OGG1: variants seen among roughly 807,000 people sequenced by gnomAD.
OGG1 encodes the protein N-glycosylase/DNA lyase.
A neutral mutation model predicts 42.3 loss-of-function variants in OGG1; 35 were observed. The ratio of observed to expected loss-of-function variants is 0.83; its 90% CI spans 0.63 to 1.10. The LOEUF (loss-of-function observed/expected upper bound fraction) is 1.10. Ranked by LOEUF, OGG1 falls within the 50% of genes least tolerant of loss-of-function variation. The pLI is 0.00. For missense variants in OGG1, 484 were observed against 446.7 expected (o/e 1.08, Z -0.75); for synonymous variants, 189 against 179.0 (o/e 1.06, Z -0.44).
At chr3:9,777,598 A>G (rs915297961) in intron 2 of OGG1, among the ~76,000 whole-genome samples, 1 of 152,160 alleles carries the variant, frequency 6.6e-6, no homozygotes, top group African/African-American at 2.4e-5. Context: ...GATAGTAGGT[A>G]TGCAACAGAG....
At chr3:9,750,550 A>G (rs2077252587) in intron 1 of OGG1, 127 bp downstream of exon 1, 6 of 1,309,120 alleles carry the variant, frequency 4.6e-6, no homozygotes, top group Non-Finnish European at 6.4e-6. Flanking sequence ...AGAGGAAACA[A>G]GCACGGGTAG....
At chr3:9,788,026 G>T in exon 4 of OGG1, 1 of 293,510 alleles carries the variant, frequency 3.4e-6, no homozygotes, top group Non-Finnish European at 6.7e-6. Context: ...GAGGAAAATG[G>T]AGAGGGGCAC....
chr3:9,787,909 AG>A (rs2125624776), exon 4 of OGG1: 1 of 370,414 alleles, frequency 2.7e-6, no homozygotes, highest in South Asian at 2.1e-5. Context: ...GAGGGAGAGA[AG>A]AGCTTGCCAG....
chr3:9,788,598 G>A (rs1308407144), downstream of OGG1, among the ~76,000 whole-genome samples: 1 of 151,574 alleles, frequency 6.6e-6, no homozygotes, highest in South Asian at 2.1e-4. Context: ...GGAATACAGT[G>A]GCACGATCTT....
In OGG1 at chr3:9,757,307, A is replaced by G. The variant is rs1329724874; in HGVS notation, c.*157A>G. The stretch of plus-strand genomic sequence containing the variant: ...AAATCAAGCAGTCAGTTTGCACAAC[A>G]AGATGGGGTGGGGGATATTGAGGGA... On this transcript the variant is annotated 3_prime_UTR_variant, in exon 7 of 7. Transcript: ENST00000344629. The surrounding 1 kb of genome is among the most constrained non-coding windows in gnomAD (Gnocchi z 4.5). The G allele has an allele frequency of 6.2e-7, 1 of 1,614,182 alleles. No individual in the cohort carries two copies. The highest frequency in any genetic ancestry group is 2.2e-5 in the East Asian group (1 of 44,886).
chr3:9,755,758 C>G (rs2077518821), intron 4 of OGG1, among the ~76,000 whole-genome samples: 2 of 152,082 alleles, frequency 1.3e-5, no homozygotes, highest in Admixed American at 1.3e-4. Context: ...CTGCACCCAG[C>G]CTTTTTTTTT....
At chr3:9,765,769 C>G (rs750387531) in intron 7 of OGG1, 19 of 1,613,904 alleles carry the variant, frequency 1.2e-5, no homozygotes, top group Non-Finnish European at 1.6e-5. Flanking sequence ...TTGTGCAGGA[C>G]AGCAATCTCA....
rs531312952 is a variant in OGG1, at chr3:9,774,420, A to G, written c.295-7093A>G. Among the ~76,000 whole-genome samples the G allele has an allele frequency of 4.0e-5, 6 of 150,916 alleles. No homozygotes were observed. The East Asian group carries it at 1.2e-3, about 29-fold the overall frequency. On this transcript the variant is annotated intron_variant, in intron 2 of 3. Transcript: ENST00000426518. ...CCAGACTCTGTCTCAAAAAAAAAAA[A>G]AAAAAAAACAAAACTTTAACTTTTG...
intron 7 of OGG1, chr3:9,762,820 G>A: frequency 8.1e-7 from 1 of 1,234,672 alleles, no homozygotes; most frequent in Non-Finnish European, 1.2e-6. Flanking sequence ...AAGGCTCAGT[G>A]AGGGGGTGAA....
In OGG1 at chr3:9,750,238, C is replaced by G. The variant is rs756713013; in HGVS notation, c.-49C>G. The G allele has an allele frequency of 6.3e-7, 1 of 1,581,098 alleles. No homozygotes were observed. Among genetic ancestry groups the G allele is most frequent in the South Asian group, 1.1e-5 (1 of 87,924 alleles). ...GCGGGGTCTTTGGGCGTCGACGAGG[C>G]CTGGTTCTGGGTAGGCGGGGCTACT... On this transcript the variant is annotated 5_prime_UTR_variant, in exon 1 of 7. Transcript: ENST00000344629.
At chr3:9,759,482 A>T (rs752350819), downstream of OGG1, 1 of 1,613,908 alleles carries the variant, frequency 6.2e-7, no homozygotes, top group Non-Finnish European at 8.5e-7. Flanking sequence ...AGGGATATGG[A>T]CTCACCTTCC....
intron 3 of OGG1, chr3:9,787,511 T>G (rs2078644086): frequency 1.9e-6 from 2 of 1,051,192 alleles, no homozygotes; most frequent in Non-Finnish European, 2.7e-6. Flanking sequence ...TACTTCACAC[T>G]CTAGTAAGGG....
At chr3:9,757,542 G>C, downstream of OGG1, 1 of 1,613,214 alleles carries the variant, frequency 6.2e-7, no homozygotes, top group African/African-American at 1.3e-5. This position sits in a 1 kb window ranked among gnomAD's most constrained non-coding sequence, Gnocchi z 4.5. Flanking sequence ...CAGGGCCCTA[G>C]AGCTGGTGGG....
chr3:9,783,976 G>A, intron 3 of OGG1: 1 of 1,565,448 alleles, frequency 6.4e-7, no homozygotes, highest in Non-Finnish European at 8.7e-7. Context: ...GACTAGCCGT[G>A]GCCACAGCCT....
At chr3:9,758,078 TAACTA>T (rs2077672200), downstream of OGG1, 2 of 534,472 alleles carry the variant, frequency 3.7e-6, no homozygotes, top group Non-Finnish European at 6.2e-6. Context: ...AATAGAAACA[TAACTA>T]TAATTCATAT....
downstream of OGG1, among the ~76,000 whole-genome samples, chr3:9,789,298 G>A (rs951195830): frequency 6.6e-6 from 1 of 152,208 alleles, no homozygotes; most frequent in Non-Finnish European, 1.5e-5. Flanking sequence ...AGATGCTTGA[G>A]GGCGTGTTGA....
At chr3:9,778,865 A>T (rs1472369057) in intron 2 of OGG1, among the ~76,000 whole-genome samples, 1 of 152,194 alleles carries the variant, frequency 6.6e-6, no homozygotes, top group African/African-American at 2.4e-5. Context: ...CATTTCTCCA[A>T]CAGAGAGGTG....
chr3:9,782,497 C>A (rs2078499928), intron 3 of OGG1, among the ~76,000 whole-genome samples: 1 of 152,198 alleles, frequency 6.6e-6, no homozygotes, highest in South Asian at 2.1e-4. Context: ...TCCTTAAATA[C>A]CCTGGCAGCT....
chr3:9,765,070 TA>T (rs1199784841), intron 7 of OGG1, among the ~76,000 whole-genome samples: 2 of 151,266 alleles, frequency 1.3e-5, no homozygotes, highest in Non-Finnish European at 2.9e-5. Flanking sequence ...CTACTAAAAA[TA>T]CAAAAATTAG....
Sources: allele counts gnomAD v4.1 joint callset (sites outside exome capture counted in the v4.1 genomes callset), GRCh38; gene constraint gnomAD v4.1.1; non-coding constraint Gnocchi (gnomAD v3.1); transcripts MANE v1.5; gene names NCBI Gene and HGNC (gene_info 2026-07-23, HGNC 2026-07-21).